TSHZ2: variants seen among roughly 807,000 people sequenced by gnomAD.
The protein encoded by TSHZ2 is teashirt zinc finger homeobox 2, also known as teashirt homolog 2.
A neutral mutation model predicts 74.4 loss-of-function variants in TSHZ2; 21 were observed. That is an observed-to-expected ratio of 0.28 (90% confidence interval 0.20 to 0.41). The LOEUF is 0.41. Among genes scored for constraint, TSHZ2 ranks in the 10% least tolerant of loss-of-function variants. The probability of loss-of-function intolerance (pLI) is 1.00; values close to 1 mark genes in which losing one functional copy is unlikely to be tolerated. For synonymous variants in TSHZ2, 540 were observed against 515.3 expected, an observed-to-expected ratio of 1.05 and a Z score of -0.65; for missense variants, 1,244 against 1,293.5, an observed-to-expected ratio of 0.96 and a Z score of 0.59.
intron 1 of TSHZ2, among the ~76,000 whole-genome samples, chr20:52,996,325 T>G (rs866638377): frequency 6.9e-6 from 1 of 144,472 alleles, no homozygotes; most frequent in African/African-American, 2.6e-5. Flanking sequence ...ATTTATTTAT[T>G]TATTTATTTA....
At chr20:53,471,426 G>A (rs60977544) in intron 2 of TSHZ2, among the ~76,000 whole-genome samples, 11,829 of 152,176 alleles carry the variant, frequency 0.078, 510 homozygotes, top group East Asian at 0.17. Context: ...TACACAGGCA[G>A]GCACTAAACT....
At chr20:53,325,527 T>TC (rs1488748982) in intron 2 of TSHZ2, among the ~76,000 whole-genome samples, 1 of 152,142 alleles carries the variant, frequency 6.6e-6, no homozygotes, top group African/African-American at 2.4e-5. Context: ...GAGTCACTCC[T>TC]CCCCTGGGCG....
intron 1 of TSHZ2, among the ~76,000 whole-genome samples, chr20:53,044,729 A>G (rs1190122849): frequency 6.6e-6 from 1 of 152,024 alleles, no homozygotes; most frequent in Non-Finnish European, 1.5e-5. Context: ...TTGTTTTTAG[A>G]CATGGGGTCT....
intron 1 of TSHZ2, among the ~76,000 whole-genome samples, chr20:53,007,114 C>G (rs1390858432): frequency 6.6e-6 from 1 of 152,098 alleles, no homozygotes; most frequent in Non-Finnish European, 1.5e-5. Flanking sequence ...ACAGCCCTAG[C>G]CTGGGGTGGC....
At chr20:53,225,779 C>T (rs1224200907) in intron 1 of TSHZ2, among the ~76,000 whole-genome samples, 1 of 152,070 alleles carries the variant, frequency 6.6e-6, no homozygotes, top group Admixed American at 6.5e-5. Context: ...CCATGATGTC[C>T]GGAGCTCTGC....
At chr20:53,290,058 T>A (rs957967557) in intron 2 of TSHZ2, among the ~76,000 whole-genome samples, 9 of 152,166 alleles carry the variant, frequency 5.9e-5, no homozygotes, top group Admixed American at 6.5e-5. Context: ...TCAGAGAAAT[T>A]TACATTAAAC....
intron 2 of TSHZ2, among the ~76,000 whole-genome samples, chr20:53,453,335 C>T (rs1048021765): frequency 3.9e-5 from 6 of 152,192 alleles, no homozygotes; most frequent in African/African-American, 1.4e-4. Context: ...CCAGCAAACT[C>T]CATTTTTCTC....
chr20:53,163,137 T>C lies in TSHZ2; in HGVS notation c.41-90362T>C, dbSNP rs1402099342. 3.3e-5 allele frequency among the ~76,000 whole-genome samples: 5 copies of C among 152,292 alleles called. No homozygotes were observed. The South Asian group carries it at 6.2e-4, about 19-fold the overall frequency. ...TTTTTATTGTTTCAAATGATGTGAC[T>C]ATATTGTACCTATGATTTGTGTGAT... is the stretch of plus-strand genomic sequence containing the variant. On this transcript the variant is annotated intron_variant, in intron 1 of 2. Coordinates refer to ENST00000371497, the MANE Select transcript of TSHZ2 (RefSeq NM_173485.6).
chr20:53,077,956 T>C (rs1052884064), intron 1 of TSHZ2, among the ~76,000 whole-genome samples: 36 of 152,212 alleles, frequency 2.4e-4, no homozygotes, highest in African/African-American at 8.4e-4. Flanking sequence ...GTGCCCTGTG[T>C]ACAATGTGGG....
chr20:53,309,916 G>A (rs1049159563), intron 2 of TSHZ2, among the ~76,000 whole-genome samples: 1 of 152,176 alleles, frequency 6.6e-6, no homozygotes, highest in African/African-American at 2.4e-5. Context: ...TATGGATAAT[G>A]CTTTTAACTC....
At chr20:53,089,040 C>T (rs543301370) in intron 1 of TSHZ2, among the ~76,000 whole-genome samples, 4 of 152,020 alleles carry the variant, frequency 2.6e-5, no homozygotes, top group Non-Finnish European at 5.9e-5. Context: ...GAAAGCTTTC[C>T]GTGGCTCATC....
At chr20:53,307,410 G>A (rs1978589034) in intron 2 of TSHZ2, among the ~76,000 whole-genome samples, 1 of 152,160 alleles carries the variant, frequency 6.6e-6, no homozygotes, top group African/African-American at 2.4e-5. Context: ...AGGGGCAACA[G>A]CACTGCATCA....
At chr20:53,178,718 C>T (rs1170994719) in intron 1 of TSHZ2, 1 of 152,208 alleles carries the variant, frequency 6.6e-6, no homozygotes, top group Non-Finnish European at 1.5e-5. Context: ...ATGTGGGCCT[C>T]ACTTTATAAG....
intron 1 of TSHZ2, among the ~76,000 whole-genome samples, chr20:53,015,013 G>A (rs1376255636): frequency 2.0e-5 from 3 of 152,086 alleles, no homozygotes; most frequent in East Asian, 1.9e-4. Flanking sequence ...GTGGAATAGC[G>A]CCATTCCCTT....
intron 1 of TSHZ2, among the ~76,000 whole-genome samples, chr20:53,054,109 C>A (rs999396781): frequency 6.6e-6 from 1 of 152,200 alleles, no homozygotes; most frequent in Non-Finnish European, 1.5e-5. Flanking sequence ...CGATGTACCA[C>A]AAGGTGGCCC....
intron 1 of TSHZ2, among the ~76,000 whole-genome samples, chr20:53,016,496 C>T (rs1983044601): frequency 6.6e-6 from 1 of 152,188 alleles, no homozygotes; most frequent in Admixed American, 6.5e-5. Flanking sequence ...GAGCCTTAGC[C>T]TGTCTCCACC....
chr20:53,115,000 G>A (rs1936957), intron 1 of TSHZ2, among the ~76,000 whole-genome samples: 17,852 of 152,154 alleles, frequency 0.12, 2,196 homozygotes, highest in African/African-American at 0.32. Context: ...CTCAGTGGCT[G>A]GTGTCCACTG....
intron 1 of TSHZ2, among the ~76,000 whole-genome samples, chr20:53,017,414 A>G (rs1983077539): frequency 6.6e-6 from 1 of 152,126 alleles, no homozygotes; most frequent in African/African-American, 2.4e-5. Context: ...TCACAACATG[A>G]TTTTACATAG....
At position 53,237,241 on chromosome 20, in the gene TSHZ2, A is replaced by T. The variant is rs555046102; in HGVS notation, c.41-16258A>T. ...GAATAGGTTGTCTTCACAGCAGAAT[A>T]AGGTCAGATGGAGGTCTCAAAATCA... On this transcript the variant is annotated intron_variant, in intron 1 of 2. Transcript: ENST00000371497. Among the ~76,000 whole-genome samples the T allele has an allele frequency of 2.0e-5, 3 of 152,320 alleles. No individual in the cohort carries two copies. In the South Asian group the frequency reaches 6.2e-4, roughly 32 times the overall value.
Sources: allele counts gnomAD v4.1 joint callset (sites outside exome capture counted in the v4.1 genomes callset), GRCh38; gene constraint gnomAD v4.1.1; transcripts MANE v1.5; gene names NCBI Gene and HGNC (gene_info 2026-07-23, HGNC 2026-07-21).